The following CSAG1 variants were observed in gnomAD, a reference collection of about 807,000 sequenced individuals.
CSAG1 encodes chondrosarcoma-associated gene 1 protein.
Under a neutral mutation model 4.8 loss-of-function variants are expected in CSAG1, and 4 were observed. That is an observed-to-expected ratio of 0.83 (90% confidence interval 0.41 to 1.90). The LOEUF (loss-of-function observed/expected upper bound fraction) is 1.90, where lower values mean the gene tolerates loss of function less well. CSAG1 is among the 40% of genes most tolerant of loss of function. CSAG1 has a pLI of 0.03. For synonymous variants in CSAG1, 21 were observed against 23.1 expected (o/e 0.91, Z 0.26); for missense variants, 69 against 59.5 (o/e 1.16, Z -0.53).
chrX:152,729,011 C>T (rs1932091309), intron 2 of CSAG1, among the ~76,000 whole-genome samples: 2 of 109,953 alleles, frequency 1.8e-5, no homozygotes, highest in Admixed American at 9.7e-5. Flanking sequence ...TGGTGGAGGA[C>T]ATAAGCATTA....
chrX:152,728,288 G>T, intron 2 of CSAG1, 64 bp from the exon 3 acceptor site: 3 of 1,107,522 alleles, frequency 2.7e-6, no homozygotes, highest in Non-Finnish European at 2.5e-6. Flanking sequence ...AAGAAACCTT[G>T]GTCTTTTAAC....
chrX:152,728,986 T>A (rs1932090812), intron 2 of CSAG1, among the ~76,000 whole-genome samples: 1 of 110,870 alleles, frequency 9.0e-6, no homozygotes, highest in African/African-American at 3.3e-5. Flanking sequence ...GGCTGAGGGC[T>A]TCAAAATATG....
At position 152,728,123 on chromosome X, in the gene CSAG1, G is replaced by C. The variant is rs371798025; in HGVS notation, c.118C>G (p.Pro40Ala). 1 of 1,208,860 alleles carries C rather than the reference G, an allele frequency of 8.3e-7. No individual in the cohort carries two copies. Among genetic ancestry groups the C allele is most frequent in the African/African-American group, 1.8e-5 (1 of 56,745 alleles). Residue 40 changes from proline to alanine, a missense_variant, in exon 3 of 4, where the codon CCA becomes GCA. Transcript: ENST00000452779. ...TTGGAAAATGGGCTGGAGGCTCGTG[G>C]TTTCCTGGACATCTTCACCAGACCA... ...DTGLVKMSRK[P>A]RASSPFSNNH...
At chrX:152,730,632 A>G (rs1194928062) in intron 2 of CSAG1, among the ~76,000 whole-genome samples, 10 of 111,848 alleles carry the variant, frequency 8.9e-5, no homozygotes, top group African/African-American at 3.2e-4. Context: ...AATGTGAGAA[A>G]TAAAGTTGTG....
rs200429591 is a variant in CSAG1 at position 152,728,090 on chromosome X, G to C, written c.151C>G (p.Pro51Ala). ...CTTCCTCGCCTCTTTGGTGTTGATG[G>C]GTGGTTGTTGGAAAATGGGCTGGAG... is the stretch of plus-strand genomic sequence containing the variant. ...RASSPFSNNHPSTPKRFPRQP... is the reference protein window; with the variant it reads ...RASSPFSNNHASTPKRFPRQP... The change falls in exon 3 of 4, where the codon CCA (proline) becomes GCA (alanine). Residue 51 changes from proline (P) to alanine (A), a missense_variant. Coordinates refer to ENST00000452779, the MANE Select transcript of CSAG1 (RefSeq NM_001102576.3). 2 of 1,208,806 alleles carry C rather than the reference G, an allele frequency of 1.7e-6. No individual in the cohort carries two copies. Among genetic ancestry groups the C allele is most frequent in the African/African-American group, 3.5e-5 (2 of 56,718 alleles).
Position 152,727,486 on chromosome X carries a change from A to G in CSAG1, c.*308T>C. 1 of 344,408 alleles carries G rather than the reference A, an allele frequency of 2.9e-6. No individual in the cohort carries two copies. Among genetic ancestry groups the G allele is most frequent in the Admixed American group, 4.8e-5 (1 of 20,805 alleles). 28.4% of individuals were successfully genotyped at this position (344,408 alleles called of 1,213,427 possible). A position where few individuals can be genotyped will look rare whatever the true frequency, so the allele number is the denominator to read the frequency against. Reference sequence around the variant, plus strand: ...TTTGAGACACACAGACACACACATCATTTTACAACATGTTCATTTTATTTC... The same window carrying G: ...TTTGAGACACACAGACACACACATCGTTTTACAACATGTTCATTTTATTTC... On this transcript the variant is annotated 3_prime_UTR_variant, in exon 4 of 4. Transcript: ENST00000452779.
chrX:152,728,101 G>A lies in CSAG1; in HGVS notation c.140C>T (p.Ser47Phe), dbSNP rs1556830762. The A allele has an allele frequency of 1.7e-6, 2 of 1,208,851 alleles. No individual in the cohort carries two copies. Among genetic ancestry groups the A allele is most frequent in the East Asian group, 5.9e-5 (2 of 33,742 alleles). ...CTTTGGTGTTGATGGGTGGTTGTTG[G>A]AAAATGGGCTGGAGGCTCGTGGTTT... ...SRKPRASSPF[S>F]NNHPSTPKRF... The change falls in exon 3 of 4, where the codon TCC (serine) becomes TTC (phenylalanine). Residue 47 changes from serine to phenylalanine, a missense_variant. Ser to Phe is a radical substitution (Grantham distance 155). Transcript: ENST00000452779.
chrX:152,731,715 A>G (rs1556228213), intron 2 of CSAG1, among the ~76,000 whole-genome samples: 6 of 83,211 alleles, frequency 7.2e-5, no homozygotes. Flanking sequence ...ATAACATATG[A>G]TTTAACATCA....
intron 2 of CSAG1, among the ~76,000 whole-genome samples, chrX:152,728,712 C>A (rs1556831078): frequency 8.9e-6 from 1 of 111,848 alleles, no homozygotes; most frequent in East Asian, 2.8e-4. Flanking sequence ...CAAGGACTGG[C>A]GGGGTTGGCT....
At chrX:152,728,989 A>C in intron 2 of CSAG1, among the ~76,000 whole-genome samples, 1 of 110,979 alleles carries the variant, frequency 9.0e-6, no homozygotes, top group Non-Finnish European at 1.9e-5. Context: ...TGAGGGCTTC[A>C]AAATATGAAT....
In CSAG1 at chrX:152,727,511, C is replaced by A; in HGVS notation, c.*283G>T. The A allele has an allele frequency of 2.6e-6, 1 of 391,537 alleles. No individual in the cohort carries two copies. The highest frequency in any genetic ancestry group is 4.6e-6 in the Non-Finnish European group (1 of 217,431). The allele number at this position is 391,537 out of a possible 1,213,427, so 32.3% of individuals were successfully genotyped here. On this transcript the variant is annotated 3_prime_UTR_variant, in exon 4 of 4. Coordinates refer to ENST00000452779, the MANE Select transcript of CSAG1 (RefSeq NM_001102576.3). ...ATTTTACAACATGTTCATTTTATTT[C>A]CATCACCATGGGGCATACCCTTTGG...
At chrX:152,733,448 C>T (rs1320491516) in intron 1 of CSAG1, among the ~76,000 whole-genome samples, 3 of 111,319 alleles carry the variant, frequency 2.7e-5, no homozygotes, top group African/African-American at 9.8e-5. Context: ...TCCCCCAGTG[C>T]CACTTCAGGG....
chrX:152,732,680 G>A (rs1644607730), intron 1 of CSAG1, among the ~76,000 whole-genome samples, 176 bp from the exon 2 acceptor site: 2 of 112,703 alleles, frequency 1.8e-5, no homozygotes, highest in South Asian at 3.7e-4. Context: ...GGGGAGGTTT[G>A]TAGCCTGCCT....
rs2124962293 is a variant in CSAG1, at chrX:152,727,776, T to C, written c.*18A>G. 2 of 1,209,019 alleles carry C rather than the reference T, an allele frequency of 1.7e-6. No homozygotes were observed. The highest frequency in any genetic ancestry group is 2.2e-6 in the Non-Finnish European group (2 of 892,978). On this transcript the variant is annotated 3_prime_UTR_variant, in exon 4 of 4. Coordinates refer to ENST00000452779, the MANE Select transcript of CSAG1 (RefSeq NM_001102576.3). Reference sequence around the variant, plus strand: ...TTGGCCCACTCCATTCCTCAGGTTTTTTTGAAGCGGTGGTCTTTTAGGGAG... The same window carrying C: ...TTGGCCCACTCCATTCCTCAGGTTTCTTTGAAGCGGTGGTCTTTTAGGGAG...
chrX:152,728,035 T>G (rs1556830683), intron 3 of CSAG1, 39 bp downstream of exon 3: 9 of 1,208,973 alleles, frequency 7.4e-6, no homozygotes, highest in African/African-American at 1.8e-5. Flanking sequence ...TGATAGGGCT[T>G]CTGGGCCAGG....
At chrX:152,728,285 C>A in intron 2 of CSAG1, 61 bp from the exon 3 acceptor site, 1 of 1,134,426 alleles carries the variant, frequency 8.8e-7, no homozygotes, top group Non-Finnish European at 1.2e-6. Context: ...TCCAAGAAAC[C>A]TTGGTCTTTT....
At chrX:152,732,729 A>C (rs1207023324) in intron 1 of CSAG1, among the ~76,000 whole-genome samples, 1 of 112,092 alleles carries the variant, frequency 8.9e-6, no homozygotes, top group Non-Finnish European at 1.9e-5. Flanking sequence ...AAAAGTTTTA[A>C]AATTTCCACT....
rs2124963238 is a variant in CSAG1, at chrX:152,728,217, C to T, written c.24G>A (p.Trp8Ter). 2 of 1,208,653 alleles carry T rather than the reference C, an allele frequency of 1.7e-6. No homozygotes were observed. Among genetic ancestry groups the T allele is most frequent in the East Asian group, 5.9e-5 (2 of 33,844 alleles). The change falls in exon 3 of 4, where the codon TGG (tryptophan) becomes TGA (stop). Residue 8 changes from tryptophan (W) to a stop codon, truncating the protein, a stop_gained. Coordinates refer to ENST00000452779, the MANE Select transcript of CSAG1 (RefSeq NM_001102576.3). LOFTEE classifies it high-confidence loss of function. ...CTTCCCCCAGGACAGTGAAGGCAGG[C>T]CAGCAGGCTAGAAACTCACACGACA... The part of the protein sequence containing the change: MSATTAC[W>*]PAFTVLGEAR...
chrX:152,730,435 T>G (rs1437581964), intron 2 of CSAG1, among the ~76,000 whole-genome samples: 18 of 111,670 alleles, frequency 1.6e-4, no homozygotes, highest in African/African-American at 4.9e-4. Context: ...GGAGAATGAC[T>G]AGTTCATGAG....
Sources: allele counts gnomAD v4.1 joint callset (sites outside exome capture counted in the v4.1 genomes callset), GRCh38; gene constraint gnomAD v4.1.1; transcripts MANE v1.5; gene names NCBI Gene and HGNC (gene_info 2026-07-23, HGNC 2026-07-21).